HNRNPLL: variants seen among roughly 807,000 people sequenced by gnomAD.
HNRNPLL encodes the protein heterogeneous nuclear ribonucleoprotein L-like.
Under a neutral mutation model 67.1 loss-of-function variants are expected in HNRNPLL, and 25 were observed. The observed-to-expected ratio is 0.37, with a 90% CI of 0.27 to 0.52. The LOEUF is 0.52. HNRNPLL is among the 20% of genes least tolerant of loss of function. The pLI, the probability that HNRNPLL is intolerant of heterozygous loss-of-function variation, is 0.90. For missense variants in HNRNPLL, 542 were observed against 673.9 expected, an observed-to-expected ratio of 0.80 and a Z score of 2.17; for synonymous variants, 267 against 241.7, an observed-to-expected ratio of 1.10 and a Z score of -0.97.
rs536540695 is a variant in HNRNPLL at position 38,586,856 on chromosome 2, A to C, written c.309-975T>G. Among the ~76,000 whole-genome samples the C allele has an allele frequency of 2.0e-5, 3 of 152,312 alleles. No individual in the cohort carries two copies. The South Asian group carries it at 6.2e-4, about 32-fold the overall frequency. ...ACGAAGCAGCCAAAAAAACCCCAAAATATAATACAGTACGTTCTTTTTGGA... is the reference window on the plus strand; with the variant it reads ...ACGAAGCAGCCAAAAAAACCCCAAACTATAATACAGTACGTTCTTTTTGGA... On this transcript the variant is annotated intron_variant, in intron 2 of 12. Coordinates refer to ENST00000449105, the MANE Select transcript of HNRNPLL (RefSeq NM_138394.4).
intron 2 of HNRNPLL, among the ~76,000 whole-genome samples, chr2:38,587,413 G>C (rs918188754): frequency 2.0e-5 from 3 of 152,086 alleles, no homozygotes; most frequent in African/African-American, 7.2e-5. Flanking sequence ...TCAGAAGCTA[G>C]AAACAGAGCC....
chr2:38,577,158 T>G (rs748285790), intron 7 of HNRNPLL, among the ~76,000 whole-genome samples: 3 of 151,954 alleles, frequency 2.0e-5, no homozygotes, highest in Non-Finnish European at 4.4e-5. Context: ...ACAATAATTC[T>G]TCTTTCTGGT....
At position 38,569,169 on chromosome 2, in the gene HNRNPLL, A is replaced by G. The variant is rs775851386; in HGVS notation, c.1380T>C (p.Asn460=). Residue 460 remains asparagine, a synonymous_variant, in exon 10 of 13, where the codon AAT becomes AAC. Coordinates refer to ENST00000449105, the MANE Select transcript of HNRNPLL (RefSeq NM_138394.4). ...TCTCTTCTGTGACACACAATGGAAC[A>G]TTATAATAATGCAAAACACAGGAGG... ...QPPSCVLHYY[N]VPLCVTEETF... is the part of the protein sequence containing the mutation. 8 of 1,612,874 alleles carry G rather than the reference A, an allele frequency of 5.0e-6. No individual in the cohort carries two copies. In the South Asian group the frequency reaches 6.6e-5, roughly 13 times the overall value.
intron 8 of HNRNPLL, 138 bp downstream of exon 8, chr2:38,573,072 A>C: frequency 3.1e-6 from 2 of 637,342 alleles, no homozygotes; most frequent in East Asian, 5.7e-5. Context: ...TTCCTATATA[A>C]TAGATTTTTA....
intron 9 of HNRNPLL, 83 bp from the exon 10 acceptor site, chr2:38,569,417 G>C: frequency 2.0e-6 from 2 of 998,436 alleles, no homozygotes; most frequent in Non-Finnish European, 3.0e-6. Context: ...AATATATTTT[G>C]CTTGCATAAA....
At chr2:38,602,233 G>C (rs1667470871) in intron 1 of HNRNPLL, 2 of 548,674 alleles carry the variant, frequency 3.6e-6, no homozygotes, top group Non-Finnish European at 6.2e-6. Context: ...CGGGGCCTGC[G>C]GCCAGGACGG....
In HNRNPLL at chr2:38,564,218, T is replaced by C. The variant is rs758423785; in HGVS notation, c.1593A>G (p.Thr531=). The change falls in exon 13 of 13, where the codon ACA becomes ACG. Residue 531 remains threonine (T), a synonymous_variant. Coordinates refer to ENST00000449105, the MANE Select transcript of HNRNPLL (RefSeq NM_138394.4). ...ATGATGTAGAAAAGCAAAGCTTCAA[T>C]GTATAGGGATTGGAACCATCTGTAA... ...IRVPNGSNPY[T]LKLCFSTSSH... is the part of the protein sequence containing the mutation. 5.1e-6 allele frequency: 8 copies of C among 1,564,050 alleles called. No individual in the cohort carries two copies. The highest frequency in any genetic ancestry group is 7.0e-6 in the Non-Finnish European group (8 of 1,135,030).
chr2:38,570,080 C>T (rs1666009585), intron 8 of HNRNPLL, among the ~76,000 whole-genome samples, 155 bp from the exon 9 acceptor site: 1 of 152,162 alleles, frequency 6.6e-6, no homozygotes, highest in Non-Finnish European at 1.5e-5. Context: ...ACCCTTAACT[C>T]TTATCAAAGT....
chr2:38,565,865 T>C, intron 12 of HNRNPLL: 1 of 209,934 alleles, frequency 4.8e-6, no homozygotes, highest in Non-Finnish European at 8.3e-6. Context: ...ATTGTCAATA[T>C]TTGTCAGTCT....
chr2:38,577,222 C>T (rs1666331515), intron 7 of HNRNPLL, among the ~76,000 whole-genome samples: 1 of 151,814 alleles, frequency 6.6e-6, no homozygotes, highest in Non-Finnish European at 1.5e-5. Flanking sequence ...AATATAATGG[C>T]AAAAAAGTAT....
chr2:38,581,873 C>T (rs1248371242), intron 6 of HNRNPLL, 40 bp downstream of exon 6: 1 of 1,342,738 alleles, frequency 7.4e-7, no homozygotes, highest in Non-Finnish European at 1.1e-6. Flanking sequence ...AAAAATTTGT[C>T]AGCAGATCAA....
intron 1 of HNRNPLL, among the ~76,000 whole-genome samples, chr2:38,596,294 G>A (rs1213251978): frequency 6.6e-6 from 1 of 151,266 alleles, no homozygotes; most frequent in Non-Finnish European, 1.5e-5. Flanking sequence ...ACAGAGTCTC[G>A]CTCTATCACC....
At chr2:38,593,078 C>T (rs1056608820) in intron 1 of HNRNPLL, among the ~76,000 whole-genome samples, 17 of 152,112 alleles carry the variant, frequency 1.1e-4, no homozygotes, top group African/African-American at 4.1e-4. Context: ...CTGTCAAATC[C>T]AAAAAATAAA....
At chr2:38,592,167 A>G (rs186502706) in intron 1 of HNRNPLL, among the ~76,000 whole-genome samples, 6 of 152,342 alleles carry the variant, frequency 3.9e-5, no homozygotes, top group Non-Finnish European at 7.3e-5. Context: ...CTATCTCAGT[A>G]AGAAGTACAA....
At chr2:38,571,954 G>A (rs1666102388) in intron 8 of HNRNPLL, among the ~76,000 whole-genome samples, 1 of 152,104 alleles carries the variant, frequency 6.6e-6, no homozygotes, top group South Asian at 2.1e-4. Flanking sequence ...TACTAAAGAT[G>A]TTGATTAAAT....
At chr2:38,574,919 T>C (rs920151963) in intron 7 of HNRNPLL, among the ~76,000 whole-genome samples, 1 of 151,902 alleles carries the variant, frequency 6.6e-6, no homozygotes, top group South Asian at 2.1e-4. Context: ...ATTATTCTTA[T>C]TCCTATTGCA....
chr2:38,568,242 T>C lies in HNRNPLL; in HGVS notation c.1530A>G (p.Val510=). The change falls in exon 12 of 13, where the codon GTA becomes GTG. Residue 510 remains valine (V), a synonymous_variant. Coordinates refer to ENST00000449105, the MANE Select transcript of HNRNPLL (RefSeq NM_138394.4). ...AGTGATTCAGTGCCGTAAGGGCTTC[T>C]ACTGCATCAGTTTTGCACTCCCATT... is the stretch of plus-strand genomic sequence containing the variant. ...LLEWECKTDA[V]EALTALNHYQ... 2 of 1,613,642 alleles carry C rather than the reference T, an allele frequency of 1.2e-6. No individual in the cohort carries two copies. Among genetic ancestry groups the C allele is most frequent in the Non-Finnish European group, 1.7e-6 (2 of 1,179,668 alleles).
intron 7 of HNRNPLL, among the ~76,000 whole-genome samples, chr2:38,574,957 C>A (rs1480445654): frequency 1.3e-5 from 2 of 151,762 alleles, no homozygotes; most frequent in Non-Finnish European, 3.0e-5. Context: ...TATACTGCCT[C>A]CCCGCCACCT....
intron 7 of HNRNPLL, among the ~76,000 whole-genome samples, chr2:38,576,176 T>C (rs1666293511): frequency 6.6e-6 from 1 of 151,844 alleles, no homozygotes; most frequent in Admixed American, 6.6e-5. Context: ...GAGTTCCTTG[T>C]CCTTCATTTA....
Sources: allele counts gnomAD v4.1 joint callset (sites outside exome capture counted in the v4.1 genomes callset), GRCh38; gene constraint gnomAD v4.1.1; transcripts MANE v1.5; gene names NCBI Gene and HGNC (gene_info 2026-07-23, HGNC 2026-07-21).